Variants in TRPC6 observed in about 807,000 individuals in gnomAD.
The protein encoded by TRPC6 is short transient receptor potential channel 6.
TRPC6 carries 55 observed loss-of-function variants against 90.7 expected under a neutral mutation model. The ratio of observed to expected loss-of-function variants is 0.61; its 90% CI spans 0.49 to 0.76. The LOEUF is 0.76. TRPC6 is among the 30% of genes least tolerant of loss of function. TRPC6 has a pLI of 0.00. For missense variants in TRPC6, 989 were observed against 1,122.7 expected, an observed-to-expected ratio of 0.88 and a Z score of 1.70; for synonymous variants, 393 against 393.0, an observed-to-expected ratio of 1.00 and a Z score of 0.00.
chr11:101,570,068 T>C (rs1237882859), intron 1 of TRPC6, among the ~76,000 whole-genome samples: 1 of 151,696 alleles, frequency 6.6e-6, no homozygotes, highest in Non-Finnish European at 1.5e-5. Context: ...TTCAAAAAAA[T>C]TCAATGAATC....
intron 1 of TRPC6, among the ~76,000 whole-genome samples, chr11:101,570,595 C>T (rs1293900972): frequency 1.3e-5 from 2 of 152,160 alleles, no homozygotes; most frequent in African/African-American, 4.8e-5. Flanking sequence ...GCCAATATCT[C>T]TGATGAACAT....
intron 1 of TRPC6, among the ~76,000 whole-genome samples, chr11:101,522,400 C>A (rs1244077042): frequency 2.0e-5 from 3 of 152,164 alleles, no homozygotes; most frequent in African/African-American, 7.2e-5. Flanking sequence ...GAGGCCTCCC[C>A]AGCCATGCCT....
intron 1 of TRPC6, among the ~76,000 whole-genome samples, chr11:101,537,740 T>G (rs1861084865): frequency 6.6e-6 from 1 of 151,112 alleles, no homozygotes; most frequent in Admixed American, 6.6e-5. Flanking sequence ...TTCCATTTTC[T>G]GCTAGCAAAA....
At chr11:101,506,173 A>C (rs566980613) in intron 1 of TRPC6, among the ~76,000 whole-genome samples, 2 of 148,774 alleles carry the variant, frequency 1.3e-5, no homozygotes, top group South Asian at 4.1e-4. Flanking sequence ...TACCAGTATC[A>C]CTAACTGAAC....
intron 2 of TRPC6, among the ~76,000 whole-genome samples, chr11:101,500,696 T>C (rs953001825): frequency 6.6e-6 from 1 of 152,172 alleles, no homozygotes; most frequent in East Asian, 1.9e-4. Flanking sequence ...ATATATGATA[T>C]ACATGTTGAT....
rs1055919080 is a variant in TRPC6 at position 101,546,218 on chromosome 11, C to T, written c.170+37116G>A. 1.1e-4 allele frequency among the ~76,000 whole-genome samples: 12 copies of T among 112,560 alleles called. 2 individuals carry two copies. Among genetic ancestry groups the T allele is most frequent in the Non-Finnish European group, 2.2e-4 (12 of 53,896 alleles). 73.8% of individuals were successfully genotyped at this position (112,560 alleles called of 152,430 possible). A position where few individuals can be genotyped will look rare whatever the true frequency, so the allele number is the denominator to read the frequency against. ...TCCCGAGTAGCTGGGACTACAGGCG[C>T]CCGCCACCGCGCCCGGCTAATTTTT... On this transcript the variant is annotated intron_variant, in intron 1 of 12. Transcript: ENST00000344327.
intron 10 of TRPC6, among the ~76,000 whole-genome samples, chr11:101,459,790 T>G (rs1385373174): frequency 2.0e-5 from 3 of 152,204 alleles, no homozygotes; most frequent in Non-Finnish European, 4.4e-5. Context: ...CCAATTACAC[T>G]GACCTATCTT....
At chr11:101,469,375 AAAGAT>A (rs1768692093) in intron 10 of TRPC6, 47 bp downstream of exon 10, 2 of 732,152 alleles carry the variant, frequency 2.7e-6, no homozygotes, top group Non-Finnish European at 5.1e-6. Context: ...CTTTCTTTGA[AAAGAT>A]AAGCCCGATC....
At chr11:101,550,437 A>G (rs899740401) in intron 1 of TRPC6, among the ~76,000 whole-genome samples, 4 of 151,706 alleles carry the variant, frequency 2.6e-5, no homozygotes, top group Non-Finnish European at 5.9e-5. Flanking sequence ...GTGCAGATTT[A>G]TTGATACTTT....
intron 2 of TRPC6, among the ~76,000 whole-genome samples, chr11:101,499,429 A>T (rs909004385): frequency 1.3e-5 from 2 of 151,534 alleles, no homozygotes; most frequent in African/African-American, 2.4e-5. Context: ...TCATATCTAG[A>T]AATATTTATT....
At chr11:101,515,262 G>A (rs1039815341) in intron 1 of TRPC6, among the ~76,000 whole-genome samples, 1 of 152,158 alleles carries the variant, frequency 6.6e-6, no homozygotes, top group Non-Finnish European at 1.5e-5. Context: ...TGCACCATGT[G>A]TCCAAAGAAC....
chr11:101,480,118 C>T (rs533004015), intron 5 of TRPC6, among the ~76,000 whole-genome samples: 3 of 152,140 alleles, frequency 2.0e-5, no homozygotes, highest in Admixed American at 6.5e-5. Flanking sequence ...GTGGAGGTTG[C>T]GGTGAGCTGA....
At chr11:101,565,839 G>C (rs1009085330) in intron 1 of TRPC6, among the ~76,000 whole-genome samples, 1 of 151,946 alleles carries the variant, frequency 6.6e-6, no homozygotes, top group Non-Finnish European at 1.5e-5. Context: ...CTGTTTCATA[G>C]GGAAACTATA....
intron 1 of TRPC6, among the ~76,000 whole-genome samples, chr11:101,571,311 A>T (rs1043926744): frequency 9.2e-5 from 14 of 152,184 alleles, no homozygotes; most frequent in African/African-American, 3.4e-4. Context: ...TCCAACTTGC[A>T]AGGGATGTGA....
At chr11:101,489,133 G>C (rs1296043888) in intron 3 of TRPC6, 32 bp from the exon 4 acceptor site, 15 of 1,608,852 alleles carry the variant, frequency 9.3e-6, no homozygotes, top group African/African-American at 1.3e-5. Flanking sequence ...ATTTAAATTT[G>C]ACTAAAGAAA....
intron 1 of TRPC6, among the ~76,000 whole-genome samples, chr11:101,528,541 CA>C (rs1860835994): frequency 6.6e-6 from 1 of 152,160 alleles, no homozygotes; most frequent in Non-Finnish European, 1.5e-5. Flanking sequence ...CATGAGGCAA[CA>C]CATTATATAG....
intron 1 of TRPC6, among the ~76,000 whole-genome samples, chr11:101,514,344 T>C (rs1860467738): frequency 6.6e-6 from 1 of 152,194 alleles, no homozygotes; most frequent in Admixed American, 6.5e-5. Context: ...TAGTGTGGCA[T>C]ATAAATGATT....
rs559407637 is a variant in TRPC6 at position 101,468,898 on chromosome 11, C to G, written c.2484+529G>C. Among the ~76,000 whole-genome samples the G allele has an allele frequency of 7.8e-4, 119 of 152,222 alleles. 1 individual carries two copies. Among genetic ancestry groups the G allele is most frequent in the African/African-American group, 2.8e-3 (115 of 41,530 alleles). On this transcript the variant is annotated intron_variant, in intron 10 of 12. Coordinates refer to ENST00000344327, the MANE Select transcript of TRPC6 (RefSeq NM_004621.6). ...GCATTTATTGTGGCCCTACTATGTA[C>G]AGGCCACAAAAAAGGAAACATCCTC...
chr11:101,490,326 A>G (rs1430857359), intron 3 of TRPC6, among the ~76,000 whole-genome samples: 1 of 152,222 alleles, frequency 6.6e-6, no homozygotes, highest in Admixed American at 6.5e-5. Context: ...AAATATAACA[A>G]TGGTTCATTA....
Sources: gnomAD v4.1 joint callset for allele counts (sites outside exome capture counted in the v4.1 genomes callset) on GRCh38, gnomAD v4.1.1 for gene constraint, MANE v1.5 for transcripts, NCBI Gene and HGNC (gene_info 2026-07-23, HGNC 2026-07-21) for gene names.